Variants in GNAI2 observed in about 807,000 individuals in gnomAD.
GNAI2 encodes the protein G protein subunit alpha i2.
A neutral mutation model predicts 36.8 loss-of-function variants in GNAI2; 4 were observed. That is an observed-to-expected ratio of 0.11 (90% CI 0.05 to 0.25). GNAI2 has a LOEUF of 0.25. Among genes scored for constraint, GNAI2 ranks in the 10% least tolerant of loss-of-function variants. The pLI, the probability that GNAI2 is intolerant of heterozygous loss-of-function variation, is 1.00. For synonymous variants in GNAI2, 194 were observed against 194.1 expected (o/e 1.00, Z 0.01); for missense variants, 230 against 481.3 (o/e 0.48, Z 4.89).
intron 1 of GNAI2, among the ~76,000 whole-genome samples, chr3:50,251,119 T>C (rs1304035355): frequency 2.0e-5 from 3 of 152,166 alleles, no homozygotes; most frequent in Non-Finnish European, 2.9e-5. Flanking sequence ...CGGAATCTGC[T>C]TTTTTAAACA....
rs587734108 is a variant in GNAI2, at chr3:50,252,637, C to T, written c.303+99C>T. ...TATAAATCCCAGCACTTTGGGACGC[C>T]GAGGCGGGTGGATCACCTGAGGTCA... On this transcript the variant is annotated intron_variant, in intron 3 of 8. Transcript: ENST00000313601. The surrounding 1 kb of genome is among the most constrained non-coding windows in gnomAD (Gnocchi z 4.1). 32 of 1,029,178 alleles carry T rather than the reference C, an allele frequency of 3.1e-5. 1 individual carries two copies. The highest frequency in any genetic ancestry group is 3.0e-4 in the Middle Eastern group (1 of 3,308). 63.8% of individuals were successfully genotyped at this position (1,029,178 alleles called of 1,614,324 possible).
chr3:50,236,523 C>T lies in GNAI2; in HGVS notation c.118+70C>T. The T allele has an allele frequency of 9.9e-6, 15 of 1,519,592 alleles. No individual in the cohort carries two copies. The highest frequency in any genetic ancestry group is 1.2e-5 in the Non-Finnish European group (14 of 1,142,168). The allele number at this position is 1,519,592 out of a possible 1,614,324, so 94.1% of individuals were successfully genotyped here. A position where few individuals can be genotyped will look rare whatever the true frequency, so the allele number is the denominator to read the frequency against. On this transcript the variant is annotated intron_variant, in intron 1 of 8. Transcript: ENST00000313601. The surrounding 1 kb of genome is among the most constrained non-coding windows in gnomAD (Gnocchi z 4.0). The stretch of plus-strand genomic sequence containing the variant: ...TCCCCAGACAAGGACTTTGACCTCC[C>T]AGACTAGGGCTTCAAACTCCCAGAC...
At chr3:50,246,415 G>A (rs1553701784) in intron 1 of GNAI2, among the ~76,000 whole-genome samples, 2 of 152,240 alleles carry the variant, frequency 1.3e-5, no homozygotes, top group Non-Finnish European at 2.9e-5. Flanking sequence ...GGACGTGGGG[G>A]TGCACGGGAT....
chr3:50,235,683 CTG>C (rs1382598512), upstream of GNAI2, among the ~76,000 whole-genome samples: 1 of 152,172 alleles, frequency 6.6e-6, no homozygotes, highest in African/African-American at 2.4e-5. Flanking sequence ...CGCCTTAAGA[CTG>C]AGAAAACCGC....
chr3:50,229,915 T>C (rs1330612197), upstream of GNAI2: 1 of 152,274 alleles, frequency 6.6e-6, no homozygotes, highest in Non-Finnish European at 1.5e-5. Context: ...GGCAATATGT[T>C]CAGGGAACAG....
At chr3:50,249,160 C>T (rs992165035) in intron 1 of GNAI2, among the ~76,000 whole-genome samples, 3 of 152,202 alleles carry the variant, frequency 2.0e-5, no homozygotes, top group Admixed American at 2.0e-4. Context: ...CCTGCTGAGT[C>T]TGAGCTCGCC....
At chr3:50,239,134 G>A (rs890936409) in intron 1 of GNAI2, among the ~76,000 whole-genome samples, 5 of 152,206 alleles carry the variant, frequency 3.3e-5, no homozygotes, top group Non-Finnish European at 7.4e-5. Context: ...CTGGGACCCT[G>A]GTCTGGGCTC....
chr3:50,243,585 A>G (rs782763455), intron 1 of GNAI2, among the ~76,000 whole-genome samples: 6 of 152,254 alleles, frequency 3.9e-5, no homozygotes, highest in Admixed American at 6.5e-5. Flanking sequence ...CCCTCAGGTG[A>G]TAACCACAGC....
chr3:50,259,065 G>C lies in GNAI2; in HGVS notation c.*722G>C, dbSNP rs1455534664. The C allele has an allele frequency of 1.5e-5, 6 of 398,076 alleles. No homozygotes were observed. In the East Asian group the frequency reaches 4.3e-4, roughly 29 times the overall value. The allele number at this position is 398,076 out of a possible 1,614,324, so 24.7% of individuals were successfully genotyped here. A position where few individuals can be genotyped will look rare whatever the true frequency, so the allele number is the denominator to read the frequency against. On this transcript the variant is annotated 3_prime_UTR_variant, in exon 9 of 9. Transcript: ENST00000313601. The stretch of plus-strand genomic sequence containing the variant: ...CTCTGCTGGCCGCCCCCGTGCGAGC[G>C]GCACCCCTGCCCTGCCCTCCACAGA...
Position 50,259,240 on chromosome 3 carries a change from A to G in GNAI2, c.*897A>G, listed in dbSNP as rs1700795494. On this transcript the variant is annotated 3_prime_UTR_variant, in exon 9 of 9. Coordinates refer to ENST00000313601, the MANE Select transcript of GNAI2 (RefSeq NM_002070.4). ...TGCCTGCTGGGGGGCCACGCCCCTC[A>G]TGCCCTTGTCCCAGGCCCGGGGCCT... is the stretch of plus-strand genomic sequence containing the variant. The G allele has an allele frequency of 4.9e-6, 1 of 202,272 alleles. No individual in the cohort carries two copies. The highest frequency in any genetic ancestry group is 5.5e-5 in the Admixed American group (1 of 18,206). The allele number at this position is 202,272 out of a possible 1,614,324, so 12.5% of individuals were successfully genotyped here. A position where few individuals can be genotyped will look rare whatever the true frequency, so the allele number is the denominator to read the frequency against.
Position 50,241,565 on chromosome 3 carries a change from G to A in GNAI2, c.118+5112G>A, listed in dbSNP as rs1553701159. Among the ~76,000 whole-genome samples, 1 of 152,208 alleles carries A rather than the reference G, an allele frequency of 6.6e-6. No individual in the cohort carries two copies. The highest frequency in any genetic ancestry group is 2.4e-5 in the African/African-American group (1 of 41,440). ...GGATACCTCTGAGCTGAGAGACTAG[G>A]TGAATCAGGGCAGCTGGAGCTCAGC... On this transcript the variant is annotated intron_variant, in intron 1 of 8. Coordinates refer to ENST00000313601, the MANE Select transcript of GNAI2 (RefSeq NM_002070.4). This position sits in a 1 kb window ranked among gnomAD's most constrained non-coding sequence, Gnocchi z 5.0.
Position 50,251,522 on chromosome 3 carries a change from C to T in GNAI2, c.119-578C>T. 1.2e-5 allele frequency: 14 copies of T among 1,124,606 alleles called. No individual in the cohort carries two copies. The South Asian group carries it at 2.6e-4, about 21-fold the overall frequency. The allele number at this position is 1,124,606 out of a possible 1,614,324, so 69.7% of individuals were successfully genotyped here. On this transcript the variant is annotated intron_variant, in intron 1 of 8. Coordinates refer to ENST00000313601, the MANE Select transcript of GNAI2 (RefSeq NM_002070.4). Reference sequence around the variant, plus strand: ...GGTCTCCTAGATTCTAGCCTTCTAGCCTCCATCTGCTCAGGGCAGACCTGA... The same window carrying T: ...GGTCTCCTAGATTCTAGCCTTCTAGTCTCCATCTGCTCAGGGCAGACCTGA...
At chr3:50,247,440 T>C (rs1302370018) in intron 1 of GNAI2, among the ~76,000 whole-genome samples, 4 of 152,174 alleles carry the variant, frequency 2.6e-5, no homozygotes, top group African/African-American at 9.7e-5. Context: ...TCCCAGCAGA[T>C]CAAAGCCTAT....
At position 50,252,982 on chromosome 3, in the gene GNAI2, G is replaced by T; in HGVS notation, c.304-42G>T. ...TCTCCCTGCCTCTGGCAGAGTGGGG[G>T]TACATTCCTTCAACTGCCTGACCAC... On this transcript the variant is annotated intron_variant, in intron 3 of 8. Coordinates refer to ENST00000313601, the MANE Select transcript of GNAI2 (RefSeq NM_002070.4). The surrounding 1 kb of genome is among the most constrained non-coding windows in gnomAD (Gnocchi z 4.1). The T allele has an allele frequency of 1.3e-6, 2 of 1,531,484 alleles. No individual in the cohort carries two copies. Among genetic ancestry groups the T allele is most frequent in the Non-Finnish European group, 1.8e-6 (2 of 1,125,108 alleles). The allele number at this position is 1,531,484 out of a possible 1,614,324, so 94.9% of individuals were successfully genotyped here. A position where few individuals can be genotyped will look rare whatever the true frequency, so the allele number is the denominator to read the frequency against.
In GNAI2 at chr3:50,236,592, A is replaced by C. The variant is rs1285230319; in HGVS notation, c.118+139A>C. 2 of 1,218,364 alleles carry C rather than the reference A, an allele frequency of 1.6e-6. No homozygotes were observed. Among genetic ancestry groups the C allele is most frequent in the African/African-American group, 3.3e-5 (2 of 61,394 alleles). The allele number at this position is 1,218,364 out of a possible 1,614,324, so 75.5% of individuals were successfully genotyped here. A position where few individuals can be genotyped will look rare whatever the true frequency, so the allele number is the denominator to read the frequency against. ...CACACCTGGGCCAGGACCAGGGTTG[A>C]AAACTCTAGATTGGACTAGACCTTT... is the stretch of plus-strand genomic sequence containing the variant. On this transcript the variant is annotated intron_variant, in intron 1 of 8. Transcript: ENST00000313601. The surrounding 1 kb of genome is among the most constrained non-coding windows in gnomAD (Gnocchi z 4.0).
upstream of GNAI2, among the ~76,000 whole-genome samples, chr3:50,232,717 T>C (rs1657603162): frequency 6.6e-6 from 1 of 152,128 alleles, no homozygotes; most frequent in African/African-American, 2.4e-5. Context: ...TGCCCTTGGC[T>C]GCCATGTGGA....
chr3:50,234,483 C>G (rs587599760), upstream of GNAI2, among the ~76,000 whole-genome samples: 170 of 152,156 alleles, frequency 1.1e-3, no homozygotes, highest in Admixed American at 2.0e-3. Flanking sequence ...TCCCAAGTAG[C>G]TGGGATTACA....
In GNAI2 at chr3:50,252,080, A is replaced by G; in HGVS notation, c.119-20A>G. 6.2e-7 allele frequency: 1 copy of G among 1,612,770 alleles called. No homozygotes were observed. Among genetic ancestry groups the G allele is most frequent in the Middle Eastern group, 1.7e-4 (1 of 6,058 alleles). The stretch of plus-strand genomic sequence containing the variant: ...GCCCCTCTGGGCCTGCCCCCTGACC[A>G]CCTGTGCCCTCTGTTCCAGGTGCTG... On this transcript the variant is annotated intron_variant, in intron 1 of 8. Coordinates refer to ENST00000313601, the MANE Select transcript of GNAI2 (RefSeq NM_002070.4). The surrounding 1 kb of genome is among the most constrained non-coding windows in gnomAD (Gnocchi z 4.1).
At position 50,253,065 on chromosome 3, in the gene GNAI2, G is replaced by A. The variant is rs891378842; in HGVS notation, c.345G>A (p.Glu115=). 4.3e-6 allele frequency: 7 copies of A among 1,611,950 alleles called. No homozygotes were observed. Among genetic ancestry groups the A allele is most frequent in the Non-Finnish European group, 5.1e-6 (6 of 1,178,574 alleles). Reference sequence around the variant, plus strand: ...TATTTGCACTGTCCTGCACCGCCGAGGAGCAAGGCGTGCTCCCTGATGACC... The same window carrying A: ...TATTTGCACTGTCCTGCACCGCCGAAGAGCAAGGCGTGCTCCCTGATGACC... ...RQLFALSCTA[E]EQGVLPDDLS... The change falls in exon 4 of 9, where the codon GAG becomes GAA. Residue 115 remains glutamate, a synonymous_variant. Coordinates refer to ENST00000313601, the MANE Select transcript of GNAI2 (RefSeq NM_002070.4). This position sits in a 1 kb window ranked among gnomAD's most constrained non-coding sequence, Gnocchi z 4.2.
Sources: gnomAD v4.1 joint callset for allele counts (sites outside exome capture counted in the v4.1 genomes callset) on GRCh38, gnomAD v4.1.1 for gene constraint, Gnocchi (gnomAD v3.1) non-coding constraint, MANE v1.5 for transcripts, NCBI Gene and HGNC (gene_info 2026-07-23, HGNC 2026-07-21) for gene names.